Variants in ANKRD44 observed in about 807,000 individuals in gnomAD.
ANKRD44 encodes ankyrin repeat domain 44, also known as serine/threonine-protein phosphatase 6 regulatory ankyrin repeat subunit B.
A neutral mutation model predicts 116.0 loss-of-function variants in ANKRD44; 35 were observed. The observed-to-expected ratio is 0.30, with a 90% CI of 0.23 to 0.40. The LOEUF (loss-of-function observed/expected upper bound fraction) is 0.40, where lower values mean the gene tolerates loss of function less well. ANKRD44 is among the 10% of genes least tolerant of loss of function. The probability of loss-of-function intolerance (pLI) is 1.00; values close to 1 mark genes in which losing one functional copy is unlikely to be tolerated. For synonymous variants in ANKRD44, 435 were observed against 461.8 expected (o/e 0.94, Z 0.74); for missense variants, 1,014 against 1,242.6 (o/e 0.82, Z 2.77).
At chr2:197,242,941 T>C (rs1364377967) in intron 1 of ANKRD44, among the ~76,000 whole-genome samples, 1 of 152,214 alleles carries the variant, frequency 6.6e-6, no homozygotes, top group Non-Finnish European at 1.5e-5. Flanking sequence ...TAGGCACAAG[T>C]TCCTTTGCTT....
chr2:197,085,767 T>A (rs1301765705), intron 13 of ANKRD44, among the ~76,000 whole-genome samples: 1 of 152,228 alleles, frequency 6.6e-6, no homozygotes, highest in Non-Finnish European at 1.5e-5. Flanking sequence ...ACTCTGTCTA[T>A]GGAGTAGCCA....
At chr2:197,185,637 T>A (rs2080637762) in intron 2 of ANKRD44, among the ~76,000 whole-genome samples, 1 of 152,278 alleles carries the variant, frequency 6.6e-6, no homozygotes, top group African/African-American at 2.4e-5. Context: ...CTAAATCATT[T>A]TACCTTTCTT....
At chr2:197,100,153 G>T (rs1161699276) in intron 9 of ANKRD44, among the ~76,000 whole-genome samples, 1 of 152,196 alleles carries the variant, frequency 6.6e-6, no homozygotes, top group African/African-American at 2.4e-5. Flanking sequence ...AGATGCTTTT[G>T]AGGCCGGGCG....
At chr2:196,968,702 C>T (rs908944404) in intron 21 of ANKRD44, among the ~76,000 whole-genome samples, 5 of 152,188 alleles carry the variant, frequency 3.3e-5, no homozygotes, top group Non-Finnish European at 5.9e-5. Flanking sequence ...TTTGGACTCT[C>T]CTGGTCACTG....
chr2:197,011,868 C>A (rs2076307554), intron 18 of ANKRD44, among the ~76,000 whole-genome samples: 1 of 152,172 alleles, frequency 6.6e-6, no homozygotes. Flanking sequence ...AAATTGCCTT[C>A]TAGCAAAAAG....
rs1390994286 is a variant in ANKRD44, at chr2:197,212,379, A to C, written c.28-25273T>G. Among the ~76,000 whole-genome samples, 2 of 152,194 alleles carry C rather than the reference A, an allele frequency of 1.3e-5. No homozygotes were observed. The highest frequency in any genetic ancestry group is 4.1e-4 in the South Asian group (2 of 4,832). On this transcript the variant is annotated intron_variant, in intron 1 of 27. Coordinates refer to ENST00000282272, the MANE Select transcript of ANKRD44 (RefSeq NM_001195144.2). This position sits in a 1 kb window ranked among gnomAD's most constrained non-coding sequence, Gnocchi z 4.8. The stretch of plus-strand genomic sequence containing the variant: ...ATTCGAGAACCCAAAATGCTTCTGC[A>C]CTAAATATTTGAACCCCTATGTATT...
chr2:196,995,682 G>C (rs7595528), intron 25 of ANKRD44, among the ~76,000 whole-genome samples: 73,761 of 151,972 alleles, frequency 0.49, 21,550 homozygotes, highest in East Asian at 0.79. Flanking sequence ...ACATAAGTCT[G>C]ATCTAAAATA....
intron 27 of ANKRD44, chr2:196,990,890 G>A (rs1406577060): frequency 7.3e-6 from 9 of 1,232,454 alleles, no homozygotes; most frequent in African/African-American, 1.6e-5. Flanking sequence ...AGTCAGCCAC[G>A]TCTTTGTTAG....
chr2:197,294,693 C>A (rs930891979), intron 1 of ANKRD44, among the ~76,000 whole-genome samples: 4 of 152,130 alleles, frequency 2.6e-5, no homozygotes, highest in African/African-American at 9.7e-5. Flanking sequence ...GATTAGTAGA[C>A]AGCTTTAAGA....
chr2:197,282,617 T>A (rs1289751271), intron 1 of ANKRD44, among the ~76,000 whole-genome samples: 1 of 152,126 alleles, frequency 6.6e-6, no homozygotes. Flanking sequence ...ATTTTATTTT[T>A]TTGAGACAGG....
At chr2:197,125,515 G>A in intron 5 of ANKRD44, 47 bp from the exon 6 acceptor site, 1 of 1,535,804 alleles carries the variant, frequency 6.5e-7, no homozygotes, top group Non-Finnish European at 9.0e-7. Flanking sequence ...CTGTAATGGT[G>A]AGGCCTCCTC....
At position 197,096,837 on chromosome 2, in the gene ANKRD44, T is replaced by G. The variant is rs552122798; in HGVS notation, c.1100+2979A>C. ...AATTACTCTTCCCTTCACTTTGATATTTTGCCCTAGGGTCGTTTCCATTCT... is the reference window on the plus strand; with the variant it reads ...AATTACTCTTCCCTTCACTTTGATAGTTTGCCCTAGGGTCGTTTCCATTCT... On this transcript the variant is annotated intron_variant, in intron 10 of 27. Transcript: ENST00000282272. Among the ~76,000 whole-genome samples, 6 of 152,246 alleles carry G rather than the reference T, an allele frequency of 3.9e-5. No individual in the cohort carries two copies. The East Asian group carries it at 1.2e-3, about 29-fold the overall frequency.
intron 9 of ANKRD44, among the ~76,000 whole-genome samples, chr2:197,109,358 A>G (rs527871299): frequency 6.6e-6 from 1 of 152,350 alleles, no homozygotes; most frequent in Non-Finnish European, 1.5e-5. Context: ...GGCATAGCAC[A>G]TATTTCAAAT....
chr2:197,126,686 A>G (rs1400024227), intron 4 of ANKRD44, among the ~76,000 whole-genome samples: 2 of 152,098 alleles, frequency 1.3e-5, no homozygotes, highest in African/African-American at 2.4e-5. Context: ...GGAGTCATCC[A>G]TGCAGCTCTT....
intron 16 of ANKRD44, among the ~76,000 whole-genome samples, chr2:197,073,344 C>T (rs1218221581): frequency 6.6e-6 from 1 of 152,148 alleles, no homozygotes; most frequent in East Asian, 1.9e-4. Flanking sequence ...CTTATATTCC[C>T]CTCTCCACAC....
At position 197,281,773 on chromosome 2, in the gene ANKRD44, TC is replaced by T. The variant is rs922315987; in HGVS notation, c.27+28804del. Among the ~76,000 whole-genome samples the T allele has an allele frequency of 5.9e-5, 9 of 152,180 alleles. 1 individual carries two copies. Among genetic ancestry groups the T allele is most frequent in the Admixed American group, 3.3e-4 (5 of 15,268 alleles). On this transcript the variant is annotated intron_variant, in intron 1 of 27. Transcript: ENST00000282272. ...AAATCTATATATTACCCTAAAATCC[TC>T]CCAGAAATTTAAAACTGCTCCTTTC...
intron 16 of ANKRD44, among the ~76,000 whole-genome samples, chr2:197,059,696 A>G (rs2077271505): frequency 6.6e-6 from 1 of 152,220 alleles, no homozygotes; most frequent in East Asian, 1.9e-4. Flanking sequence ...CTGCTCCCAG[A>G]TGGTGATGTG....
At chr2:197,019,006 T>C (rs1163212998) in intron 17 of ANKRD44, among the ~76,000 whole-genome samples, 2 of 152,198 alleles carry the variant, frequency 1.3e-5, no homozygotes, top group African/African-American at 4.8e-5. Flanking sequence ...CGCTTTTAGG[T>C]GCCATCTTAC....
chr2:197,273,169 A>G (rs901974023), intron 1 of ANKRD44, among the ~76,000 whole-genome samples: 1 of 152,198 alleles, frequency 6.6e-6, no homozygotes, highest in African/African-American at 2.4e-5. Context: ...CCAGGCCTGC[A>G]TCCTCTGGGA....
Sources: gnomAD v4.1 joint callset for allele counts (sites outside exome capture counted in the v4.1 genomes callset) on GRCh38, gnomAD v4.1.1 for gene constraint, Gnocchi (gnomAD v3.1) non-coding constraint, MANE v1.5 for transcripts, NCBI Gene and HGNC (gene_info 2026-07-23, HGNC 2026-07-21) for gene names.